The following MCPH1 variants were observed in gnomAD, a reference collection of about 807,000 sequenced individuals.
The protein encoded by MCPH1 is microcephalin.
Under a neutral mutation model 84.5 loss-of-function variants are expected in MCPH1, and 104 were observed. The ratio of observed to expected loss-of-function variants is 1.23; its 90% CI spans 1.05 to 1.45. MCPH1 has a LOEUF of 1.45. MCPH1 is among the 40% of genes most tolerant of loss of function. The probability of loss-of-function intolerance (pLI) is 0.00; values close to 1 mark genes in which losing one functional copy is unlikely to be tolerated. For missense variants in MCPH1, 1,498 were observed against 1,005.7 expected (o/e 1.49, Z -6.62); for synonymous variants, 514 against 366.8 (o/e 1.40, Z -4.58).
intron 13 of MCPH1, among the ~76,000 whole-genome samples, chr8:6,640,059 CGTGTGTGTGTGTGTGTGTGTGTGTGTGT>C (rs147642349): frequency 5.7e-4 from 77 of 134,282 alleles, no homozygotes; most frequent in African/African-American, 2.1e-3. Flanking sequence ...ATTTTAAACT[CGTGTGTGTGTGTGTGTGTGTGTGTGTGT>C]GTGTGTGTGT....
intron 3 of MCPH1, among the ~76,000 whole-genome samples, chr8:6,415,295 C>CTTTTT (rs55718615): frequency 0.7 from 102,121 of 145,098 alleles, 37,933 homozygotes; most frequent in Non-Finnish European, 0.8. Context: ...TTGGTATCTT[C>CTTTTT]TTTTTTTTTT....
chr8:6,533,863 G>T (rs1340674105), intron 12 of MCPH1, among the ~76,000 whole-genome samples: 1 of 152,164 alleles, frequency 6.6e-6, no homozygotes, highest in African/African-American at 2.4e-5. Flanking sequence ...CTGTCTTTAA[G>T]AGTAGGAAAA....
intron 13 of MCPH1, among the ~76,000 whole-genome samples, chr8:6,628,950 G>C (rs1387323642): frequency 6.6e-6 from 1 of 152,180 alleles, no homozygotes; most frequent in Non-Finnish European, 1.5e-5. Context: ...GTTTCTTTTT[G>C]TTGTTGCATA....
At chr8:6,627,027 C>A (rs1362010636) in intron 13 of MCPH1, 1 of 984,404 alleles carries the variant, frequency 1.0e-6, no homozygotes, top group African/African-American at 1.8e-5. Context: ...TTTCTTATAA[C>A]TTATAAAGAA....
At chr8:6,533,486 C>G (rs944973508) in intron 12 of MCPH1, among the ~76,000 whole-genome samples, 2 of 150,934 alleles carry the variant, frequency 1.3e-5, no homozygotes, top group African/African-American at 4.9e-5. Context: ...TCTGGTTGGT[C>G]AGAGGAGTGT....
In MCPH1 at chr8:6,522,996, G is replaced by A. The variant is rs573256318; in HGVS notation, c.2214+23067G>A. Among the ~76,000 whole-genome samples, 5 of 147,116 alleles carry A rather than the reference G, an allele frequency of 3.4e-5. No homozygotes were observed. In the South Asian group the frequency reaches 1.1e-3, roughly 32 times the overall value. ...AATATGTGAGCCAAGCCCTTGAAAA[G>A]TTTTTTTTTTTCTTTTTTTGAGATG... On this transcript the variant is annotated intron_variant, in intron 12 of 13. Transcript: ENST00000344683.
At chr8:6,532,451 T>C (rs768803075) in intron 12 of MCPH1, 1 of 1,613,986 alleles carries the variant, frequency 6.2e-7, no homozygotes, top group Non-Finnish European at 8.5e-7. Flanking sequence ...ATCTCTACCA[T>C]TTCTTTCTTC....
intron 9 of MCPH1, among the ~76,000 whole-genome samples, chr8:6,461,190 C>T (rs1806242685): frequency 6.6e-6 from 1 of 151,868 alleles, no homozygotes; most frequent in East Asian, 1.9e-4. Flanking sequence ...AATCTCAGAG[C>T]TATAACTTCC....
At chr8:6,574,837 A>G (rs73661411) in intron 12 of MCPH1, among the ~76,000 whole-genome samples, 2,235 of 152,284 alleles carry the variant, frequency 0.015, 41 homozygotes, top group South Asian at 0.079. Flanking sequence ...AGAAGAAGGG[A>G]GAGAGAACAG....
chr8:6,628,374 G>C (rs1241435430), intron 13 of MCPH1, among the ~76,000 whole-genome samples: 3 of 150,452 alleles, frequency 2.0e-5, no homozygotes, highest in African/African-American at 4.9e-5. Flanking sequence ...AGGAGGCTGA[G>C]GCAGGAGAAT....
At chr8:6,550,848 A>G (rs1823523244) in intron 12 of MCPH1, among the ~76,000 whole-genome samples, 1 of 152,184 alleles carries the variant, frequency 6.6e-6, no homozygotes, top group Non-Finnish European at 1.5e-5. Context: ...CACCTGATAA[A>G]TGCCAGCTGC....
rs115449466 is a variant in MCPH1, at chr8:6,465,431, C to G, written c.1935+10179C>G. ...CACCCCGTCCTCGGACGCCTGGTCT[C>G]AGCACATCACCGGTATTCTCTTCCT... is the stretch of plus-strand genomic sequence containing the variant. On this transcript the variant is annotated intron_variant, in intron 9 of 13. Transcript: ENST00000344683. Among the ~76,000 whole-genome samples, 598 of 152,318 alleles carry G rather than the reference C, an allele frequency of 3.9e-3. 2 individuals are homozygous for G. The highest frequency in any genetic ancestry group is 0.014 in the African/African-American group (576 of 41,572).
intron 13 of MCPH1, among the ~76,000 whole-genome samples, chr8:6,628,482 A>C (rs1471130661): frequency 1.1e-4 from 16 of 151,512 alleles, no homozygotes; most frequent in Admixed American, 3.3e-4. Context: ...AAAAAAAAAA[A>C]AAAAAAAAAA....
At chr8:6,442,294 A>ATCC in intron 7 of MCPH1, 138 bp downstream of exon 7, 1 of 647,772 alleles carries the variant, frequency 1.5e-6, no homozygotes, top group African/African-American at 1.8e-5. Context: ...TCCCCCTGAA[A>ATCC]TTAGGTATTA....
At chr8:6,629,624 G>A (rs530442750) in intron 13 of MCPH1, among the ~76,000 whole-genome samples, 1 of 152,290 alleles carries the variant, frequency 6.6e-6, no homozygotes, top group Admixed American at 6.5e-5. Context: ...CTTGGTCTTG[G>A]ACTTCCTGCC....
intron 10 of MCPH1, among the ~76,000 whole-genome samples, chr8:6,478,327 T>C (rs1473723309): frequency 6.6e-6 from 1 of 152,070 alleles, no homozygotes; most frequent in Non-Finnish European, 1.5e-5. Context: ...CACCATACAT[T>C]ATATAGTGAA....
chr8:6,491,895 G>A (rs1340516991), intron 11 of MCPH1, among the ~76,000 whole-genome samples: 9 of 152,134 alleles, frequency 5.9e-5, no homozygotes. Context: ...ATTTGGGTTG[G>A]TTCCAAGTCT....
intron 12 of MCPH1, among the ~76,000 whole-genome samples, chr8:6,609,286 A>ACTATC (rs1461266091): frequency 1.3e-5 from 2 of 152,246 alleles, no homozygotes; most frequent in Non-Finnish European, 2.9e-5. Flanking sequence ...GACGGGACCC[A>ACTATC]GAGCATGAGC....
At position 6,501,059 on chromosome 8, in the gene MCPH1, G is replaced by A. The variant is rs531391491; in HGVS notation, c.2214+1130G>A. On this transcript the variant is annotated intron_variant, in intron 12 of 13. Transcript: ENST00000344683. ...CAACTTGATACAAGGCCATGATACCGTTGTTGAATTCATAAAACCTTCTTA... is the reference window on the plus strand; with the variant it reads ...CAACTTGATACAAGGCCATGATACCATTGTTGAATTCATAAAACCTTCTTA... The A allele has an allele frequency of 4.6e-5, 7 of 152,282 alleles. No individual in the cohort carries two copies. In the East Asian group the frequency reaches 7.7e-4, roughly 17 times the overall value. The allele number at this position is 152,282 out of a possible 1,614,324, so 9.4% of individuals were successfully genotyped here. A position where few individuals can be genotyped will look rare whatever the true frequency, so the allele number is the denominator to read the frequency against.
Sources: allele counts gnomAD v4.1 joint callset (sites outside exome capture counted in the v4.1 genomes callset), GRCh38; gene constraint gnomAD v4.1.1; transcripts MANE v1.5; gene names NCBI Gene and HGNC (gene_info 2026-07-23, HGNC 2026-07-21).